The following ACBD5 variants were observed in gnomAD, a reference collection of about 807,000 sequenced individuals.
ACBD5 encodes the protein acyl-CoA-binding domain-containing protein 5.
Under a neutral mutation model 71.8 loss-of-function variants are expected in ACBD5, and 40 were observed. That is an observed-to-expected ratio of 0.56 (90% CI 0.43 to 0.72). ACBD5 has a LOEUF of 0.72. Among genes scored for constraint, ACBD5 ranks in the 30% least tolerant of loss-of-function variants. The pLI, the probability that ACBD5 is intolerant of heterozygous loss-of-function variation, is 0.00. For synonymous variants in ACBD5, 229 were observed against 218.6 expected (o/e 1.05, Z -0.42); for missense variants, 559 against 644.5 (o/e 0.87, Z 1.44).
chr10:27,223,654 C>T (rs1204742739), intron 4 of ACBD5, among the ~76,000 whole-genome samples: 1 of 150,686 alleles, frequency 6.6e-6, no homozygotes, highest in Non-Finnish European at 1.5e-5. Flanking sequence ...GCCTGTAATC[C>T]CAGCACTTTG....
chr10:27,197,632 A>G (rs2059488380), intron 12 of ACBD5, among the ~76,000 whole-genome samples, 190 bp from the exon 13 acceptor site: 1 of 152,098 alleles, frequency 6.6e-6, no homozygotes, highest in Non-Finnish European at 1.5e-5. Flanking sequence ...AAATTACCAA[A>G]CAGTTTTAAA....
chr10:27,204,550 CT>C lies in ACBD5; in HGVS notation c.1456-2del. 1.9e-6 allele frequency: 3 copies of C among 1,611,076 alleles called. No homozygotes were observed. Among genetic ancestry groups the C allele is most frequent in the Non-Finnish European group, 2.5e-6 (3 of 1,177,408 alleles). On this transcript the variant is annotated splice_acceptor_variant, in intron 11 of 12. Transcript: ENST00000396271. LOFTEE classifies it high-confidence loss of function. ...TCTCGAAGGGCCACCAAGATGGTCT[CT>C]GAGAAAATACAATAAGCTTGTCACC...
At chr10:27,216,522 C>A (rs113156932) in intron 7 of ACBD5, among the ~76,000 whole-genome samples, 3 of 152,016 alleles carry the variant, frequency 2.0e-5, no homozygotes, top group African/African-American at 7.3e-5. Context: ...GTGATCCACC[C>A]GCCTCGGCCT....
At chr10:27,227,465 A>G (rs1340198352) in intron 4 of ACBD5, among the ~76,000 whole-genome samples, 1 of 152,168 alleles carries the variant, frequency 6.6e-6, no homozygotes, top group Non-Finnish European at 1.5e-5. Context: ...TCAGTCTCCC[A>G]AGCACTTCTA....
In ACBD5 at chr10:27,195,548, C is replaced by T. The variant is rs946512281; in HGVS notation, c.*1882G>A. On this transcript the variant is annotated 3_prime_UTR_variant, in exon 13 of 13. Transcript: ENST00000396271. ...AGAGAAAAGACACTTTTTACTGATA[C>T]CAAATTGATATCTCATTTTTGAAAA... 1 of 451,338 alleles carries T rather than the reference C, an allele frequency of 2.2e-6. No homozygotes were observed. The highest frequency in any genetic ancestry group is 4.4e-6 in the Non-Finnish European group (1 of 225,996). 28.0% of individuals were successfully genotyped at this position (451,338 alleles called of 1,614,324 possible).
intron 5 of ACBD5, among the ~76,000 whole-genome samples, chr10:27,221,475 C>G (rs1264904585): frequency 1.3e-5 from 2 of 152,096 alleles, no homozygotes; most frequent in Non-Finnish European, 2.9e-5. Context: ...TGAGCCTGCA[C>G]CTTTATTACT....
At position 27,240,145 on chromosome 10, in the gene ACBD5, T is replaced by G. The variant is rs910639666; in HGVS notation, c.181+174A>C. On this transcript the variant is annotated intron_variant, in intron 2 of 12. Transcript: ENST00000396271. The surrounding 1 kb of genome is among the most constrained non-coding windows in gnomAD (Gnocchi z 4.1). The stretch of plus-strand genomic sequence containing the variant: ...TACTTAAAATCTGGATATTAGATTT[T>G]TCTCCGGTTTGGAAGATCAAAAGGT... 3.3e-5 allele frequency among the ~76,000 whole-genome samples: 5 copies of G among 152,246 alleles called. No homozygotes were observed. The highest frequency in any genetic ancestry group is 9.6e-5 in the African/African-American group (4 of 41,464).
intron 3 of ACBD5, among the ~76,000 whole-genome samples, chr10:27,234,615 T>C (rs1244472710): frequency 6.6e-5 from 10 of 152,302 alleles, no homozygotes; most frequent in Admixed American, 6.5e-4. Flanking sequence ...AAGATTTTCC[T>C]ATTTGTGTAA....
chr10:27,222,863 C>A (rs1368639217), intron 5 of ACBD5, among the ~76,000 whole-genome samples: 1 of 152,188 alleles, frequency 6.6e-6, no homozygotes, highest in Non-Finnish European at 1.5e-5. Flanking sequence ...TGAGCCACCA[C>A]ACCTGGCCAA....
At chr10:27,241,392 T>C (rs2065475152), upstream of ACBD5, among the ~76,000 whole-genome samples, 2 of 152,170 alleles carry the variant, frequency 1.3e-5, no homozygotes, top group South Asian at 4.1e-4. Context: ...CAGCAGTCCC[T>C]GGCCCGCAGG....
intron 9 of ACBD5, among the ~76,000 whole-genome samples, chr10:27,210,324 A>G (rs1448565513): frequency 1.3e-5 from 2 of 152,226 alleles, no homozygotes; most frequent in African/African-American, 4.8e-5. Flanking sequence ...AATTAGAGCT[A>G]TTTGCCAAGT....
chr10:27,230,774 G>GT (rs2063743485), intron 4 of ACBD5, among the ~76,000 whole-genome samples: 1 of 117,258 alleles, frequency 8.5e-6, no homozygotes, highest in African/African-American at 3.4e-5. Context: ...TCCAGCCCGG[G>GT]TAACAGAGTG....
At chr10:27,208,624 G>A (rs2060730387) in intron 9 of ACBD5, among the ~76,000 whole-genome samples, 179 bp from the exon 10 acceptor site, 1 of 152,162 alleles carries the variant, frequency 6.6e-6, no homozygotes, top group Admixed American at 6.6e-5. Flanking sequence ...GATCACCTGA[G>A]GTCAGGAGTT....
chr10:27,201,177 A>T (rs1393851332), intron 12 of ACBD5, among the ~76,000 whole-genome samples: 1 of 152,182 alleles, frequency 6.6e-6, no homozygotes, highest in African/African-American at 2.4e-5. Context: ...AGATAAATAA[A>T]TAAACAAAGT....
chr10:27,194,897 G>C (rs1269629641), downstream of ACBD5, among the ~76,000 whole-genome samples: 1 of 152,104 alleles, frequency 6.6e-6, no homozygotes, highest in Non-Finnish European at 1.5e-5. Context: ...TCGGGAGGCT[G>C]AGGCAGGAGA....
Position 27,195,373 on chromosome 10 carries a change from G to T in ACBD5, c.*2057C>A. 1 of 454,220 alleles carries T rather than the reference G, an allele frequency of 2.2e-6. No homozygotes were observed. Among genetic ancestry groups the T allele is most frequent in the Non-Finnish European group, 4.4e-6 (1 of 226,734 alleles). The allele number at this position is 454,220 out of a possible 1,614,324, so 28.1% of individuals were successfully genotyped here. A position where few individuals can be genotyped will look rare whatever the true frequency, so the allele number is the denominator to read the frequency against. On this transcript the variant is annotated 3_prime_UTR_variant, in exon 13 of 13. Coordinates refer to ENST00000396271, the MANE Select transcript of ACBD5 (RefSeq NM_145698.5). ...ATTACATCTTTACTTTTATATACAA[G>T]AACTGTGTGCAAAGTGCTTTTCAAA...
At position 27,240,721 on chromosome 10, in the gene ACBD5, G is replaced by T; in HGVS notation, c.-33C>A. The T allele has an allele frequency of 1.9e-6, 3 of 1,550,224 alleles. No homozygotes were observed. The highest frequency in any genetic ancestry group is 2.6e-6 in the Non-Finnish European group (3 of 1,146,948). On this transcript the variant is annotated 5_prime_UTR_variant, in exon 1 of 13. Coordinates refer to ENST00000396271, the MANE Select transcript of ACBD5 (RefSeq NM_145698.5). The surrounding 1 kb of genome is among the most constrained non-coding windows in gnomAD (Gnocchi z 4.1). ...AGAAGACAGAGGGGGTCCGGGCATC[G>T]GTGGCCGCGGAGCCGCTCTCCCACC...
Position 27,196,568 on chromosome 10 carries a change from TG to T in ACBD5, c.*861del. On this transcript the variant is annotated 3_prime_UTR_variant, in exon 13 of 13. Coordinates refer to ENST00000396271, the MANE Select transcript of ACBD5 (RefSeq NM_145698.5). ...GATTTTCGTGTGTTTCCTTTTTGAC[TG>T]TTGTAAAAACAGTATAAATAAGTTT... is the stretch of plus-strand genomic sequence containing the variant. 2.2e-6 allele frequency: 1 copy of T among 454,032 alleles called. No individual in the cohort carries two copies. The allele number at this position is 454,032 out of a possible 1,614,324, so 28.1% of individuals were successfully genotyped here.
At chr10:27,212,084 C>G (rs1002773404) in intron 8 of ACBD5, among the ~76,000 whole-genome samples, 1 of 152,184 alleles carries the variant, frequency 6.6e-6, no homozygotes, top group Admixed American at 6.5e-5. Flanking sequence ...CATGGTGGCT[C>G]ACACCTGTAA....
Sources: gnomAD v4.1 joint callset for allele counts (sites outside exome capture counted in the v4.1 genomes callset) on GRCh38, gnomAD v4.1.1 for gene constraint, Gnocchi (gnomAD v3.1) non-coding constraint, MANE v1.5 for transcripts, NCBI Gene and HGNC (gene_info 2026-07-23, HGNC 2026-07-21) for gene names.